Variants in KNL1 observed in about 807,000 individuals in gnomAD.
The protein encoded by KNL1 is outer kinetochore KNL1 complex subunit KNL1.
KNL1 carries 66 observed loss-of-function variants against 201.3 expected under a neutral mutation model. The observed-to-expected ratio is 0.33, with a 90% CI of 0.27 to 0.40. The LOEUF is 0.40. Among genes scored for constraint, KNL1 ranks in the 10% least tolerant of loss-of-function variants. KNL1 has a pLI of 1.00. For missense variants in KNL1, 2,815 were observed against 2,690.5 expected (o/e 1.05, Z -1.02); for synonymous variants, 895 against 899.2 (o/e 1.00, Z 0.08).
At chr15:40,651,396 A>T (rs553575273) in intron 19 of KNL1, 75 bp from the exon 20 acceptor site, 115 of 943,990 alleles carry the variant, frequency 1.2e-4, no homozygotes, top group Admixed American at 4.7e-4. Flanking sequence ...ACTTCTTATC[A>T]TAAACCTTTT....
intron 13 of KNL1, among the ~76,000 whole-genome samples, chr15:40,635,553 C>T (rs148089967): frequency 0.084 from 12,750 of 152,000 alleles, 543 homozygotes; most frequent in East Asian, 0.12. Flanking sequence ...AGGGTTTCCC[C>T]GTGTTGGTCA....
chr15:40,639,533 T>G (rs1210885953), intron 13 of KNL1, among the ~76,000 whole-genome samples: 1 of 146,196 alleles, frequency 6.8e-6, no homozygotes, highest in Non-Finnish European at 1.5e-5. Flanking sequence ...TGCAATGAGC[T>G]GAGATCACGC....
At chr15:40,642,255 C>T (rs1368203764) in intron 14 of KNL1, among the ~76,000 whole-genome samples, 4 of 151,882 alleles carry the variant, frequency 2.6e-5, no homozygotes, top group African/African-American at 4.8e-5. Flanking sequence ...AAAAATTAGC[C>T]GGGCGCGGTA....
chr15:40,660,826 G>A (rs983057409), intron 25 of KNL1, among the ~76,000 whole-genome samples: 2 of 151,822 alleles, frequency 1.3e-5, no homozygotes, highest in African/African-American at 4.8e-5. Flanking sequence ...TAAATTAGCT[G>A]GGTGTGGTGG....
chr15:40,634,400 T>C (rs940241133), intron 13 of KNL1, among the ~76,000 whole-genome samples: 5 of 152,218 alleles, frequency 3.3e-5, no homozygotes, highest in South Asian at 4.1e-4. Context: ...CCACCACGCC[T>C]GGTGCGTGAA....
chr15:40,649,130 G>A (rs565118321), intron 17 of KNL1, among the ~76,000 whole-genome samples: 275 of 149,270 alleles, frequency 1.8e-3, no homozygotes, highest in African/African-American at 3.2e-3. Flanking sequence ...GAGCCACTGC[G>A]CCTGGCCCAA....
chr15:40,618,518 GAAT>G (rs529826273), intron 8 of KNL1, among the ~76,000 whole-genome samples: 3 of 151,486 alleles, frequency 2.0e-5, no homozygotes, highest in Admixed American at 6.6e-5. Flanking sequence ...ATAGAGAAGT[GAAT>G]AATAATAATA....
intron 21 of KNL1, among the ~76,000 whole-genome samples, chr15:40,654,346 G>A (rs897147513): frequency 2.3e-4 from 35 of 152,050 alleles, no homozygotes; most frequent in African/African-American, 7.5e-4. Flanking sequence ...ACAGAAGTTA[G>A]GGGTTAAAAG....
intron 6 of KNL1, chr15:40,610,998 C>T: frequency 3.2e-6 from 1 of 316,862 alleles, no homozygotes; most frequent in Non-Finnish European, 6.3e-6. Flanking sequence ...GATCCGCCTG[C>T]CTTGGCCTCA....
chr15:40,654,535 A>C (rs558533628), intron 21 of KNL1, among the ~76,000 whole-genome samples: 2 of 151,724 alleles, frequency 1.3e-5, no homozygotes, highest in South Asian at 4.2e-4. Context: ...GTAGGATTCT[A>C]AAGTACTGAG....
At chr15:40,638,112 C>T (rs1265318103) in intron 13 of KNL1, among the ~76,000 whole-genome samples, 1 of 151,686 alleles carries the variant, frequency 6.6e-6, no homozygotes, top group Non-Finnish European at 1.5e-5. Flanking sequence ...ACCTTGAACC[C>T]AGGAGGCAGA....
chr15:40,651,799 T>C (rs972412769), intron 20 of KNL1, among the ~76,000 whole-genome samples: 1 of 152,232 alleles, frequency 6.6e-6, no homozygotes, highest in Non-Finnish European at 1.5e-5. Context: ...ACTTGGTGTT[T>C]CTCTGATATA....
rs1804306249 is a variant in KNL1, at chr15:40,663,047, T to G, written c.*859T>G. 5.7e-6 allele frequency: 1 copy of G among 174,662 alleles called. No individual in the cohort carries two copies. Among genetic ancestry groups the G allele is most frequent in the Non-Finnish European group, 1.2e-5 (1 of 81,048 alleles). 10.8% of individuals were successfully genotyped at this position (174,662 alleles called of 1,614,324 possible). A position where few individuals can be genotyped will look rare whatever the true frequency, so the allele number is the denominator to read the frequency against. ...GAAGGCCTTGCTTTTTATTCTATGGTGTCTATTATGTTTTCTTTTTCTTTT... is the reference window on the plus strand; with the variant it reads ...GAAGGCCTTGCTTTTTATTCTATGGGGTCTATTATGTTTTCTTTTTCTTTT... On this transcript the variant is annotated 3_prime_UTR_variant, in exon 26 of 26. Transcript: ENST00000399668.
rs1197920478 is a variant in KNL1 at position 40,663,791 on chromosome 15, A to G, written c.*1603A>G. 4 of 191,906 alleles carry G rather than the reference A, an allele frequency of 2.1e-5. No homozygotes were observed. The highest frequency in any genetic ancestry group is 7.0e-5 in the African/African-American group (3 of 43,060). 11.9% of individuals were successfully genotyped at this position (191,906 alleles called of 1,614,324 possible). A position where few individuals can be genotyped will look rare whatever the true frequency, so the allele number is the denominator to read the frequency against. Reference sequence around the variant, plus strand: ...TGTTTTATATTTAATTATAAACCAAAATACATTTGCATTTTTAAGCTAATT... The same window carrying G: ...TGTTTTATATTTAATTATAAACCAAGATACATTTGCATTTTTAAGCTAATT... On this transcript the variant is annotated 3_prime_UTR_variant, in exon 26 of 26. Transcript: ENST00000399668.
At chr15:40,597,456 T>C (rs1891653103) in intron 1 of KNL1, among the ~76,000 whole-genome samples, 3 of 152,148 alleles carry the variant, frequency 2.0e-5, no homozygotes, top group South Asian at 4.1e-4. Context: ...GTAATTTTAG[T>C]AGAGACAGAG....
intron 14 of KNL1, among the ~76,000 whole-genome samples, chr15:40,644,687 G>A (rs754458784): frequency 2.0e-5 from 3 of 152,240 alleles, no homozygotes; most frequent in Non-Finnish European, 2.9e-5. Flanking sequence ...CTAGAGAATA[G>A]CGATGACTTT....
chr15:40,612,407 G>A lies in KNL1; in HGVS notation c.284+896G>A, dbSNP rs182720163. ...CTCAGGAGGCCAAGGCACGAGAATC[G>A]CTTGAACCCGGGAGGCGGAGGTTGC... On this transcript the variant is annotated intron_variant, in intron 7 of 25. Transcript: ENST00000399668. 3.3e-5 allele frequency among the ~76,000 whole-genome samples: 5 copies of A among 150,466 alleles called. No homozygotes were observed. In the South Asian group the frequency reaches 6.3e-4, roughly 19 times the overall value.
intron 1 of KNL1, among the ~76,000 whole-genome samples, chr15:40,600,552 A>G (rs1457128479): frequency 6.6e-6 from 1 of 152,228 alleles, no homozygotes; most frequent in African/African-American, 2.4e-5. Flanking sequence ...CATGCTTATA[A>G]TCCCAGCACT....
Position 40,624,341 on chromosome 15 carries a change from T to TAGA in KNL1, c.4077_4078insAGA (p.Ser1359_Ala1360insArg). ...TGGAATCTGAGGGACAGCCTCTCTC[T>TAGA]GCTCCTTGTCCTTTGTTAGAGAAGG... is the stretch of plus-strand genomic sequence containing the variant. On this transcript the variant is annotated inframe_insertion, in exon 10 of 26. Transcript: ENST00000399668. 1 of 1,614,000 alleles carries TAGA rather than the reference T, an allele frequency of 6.2e-7. No homozygotes were observed. Among genetic ancestry groups the TAGA allele is most frequent in the South Asian group, 1.1e-5 (1 of 91,072 alleles).
Sources: gnomAD v4.1 joint callset for allele counts (sites outside exome capture counted in the v4.1 genomes callset) on GRCh38, gnomAD v4.1.1 for gene constraint, MANE v1.5 for transcripts, NCBI Gene and HGNC (gene_info 2026-07-23, HGNC 2026-07-21) for gene names.